ATXN7L3: variants seen among roughly 807,000 people sequenced by gnomAD.
ATXN7L3 encodes ataxin-7-like protein 3.
In ATXN7L3, 6 loss-of-function variants were observed where a neutral mutation model predicts 50.0. The observed-to-expected ratio is 0.12, with a 90% confidence interval of 0.07 to 0.24. ATXN7L3 has a LOEUF of 0.24. Among genes scored for constraint, ATXN7L3 ranks in the 10% least tolerant of loss-of-function variants. The probability of loss-of-function intolerance (pLI) is 1.00; values close to 1 mark genes in which losing one functional copy is unlikely to be tolerated. For missense variants in ATXN7L3, 322 were observed against 451.3 expected (o/e 0.71, Z 2.60); for synonymous variants, 198 against 165.8 (o/e 1.19, Z -1.49).
chr17:44,197,841 AT>A, intron 2 of ATXN7L3, 111 bp from the exon 3 acceptor site: 2 of 1,554,704 alleles, frequency 1.3e-6, no homozygotes, highest in South Asian at 1.1e-5. Context: ...TTTCTTTGCC[AT>A]TTTCCCCATC....
At chr17:44,194,740 C>A (rs768819005) in intron 11 of ATXN7L3, 28 bp downstream of exon 11, 2 of 1,613,800 alleles carry the variant, frequency 1.2e-6, no homozygotes, top group Admixed American at 1.7e-5. Flanking sequence ...TGGTCACAAC[C>A]CCCCACCCTT....
At position 44,192,507 on chromosome 17, in the gene ATXN7L3, C is replaced by G. The variant is rs930777374; in HGVS notation, c.*1756G>C. ...CTCCCTTCACCTTCAGCCCACTCCC[C>G]AGACTGCATCTGGAAGCGGCTAGAG... On this transcript the variant is annotated 3_prime_UTR_variant, in exon 13 of 13. Transcript: ENST00000587097. The G allele has an allele frequency of 6.6e-6, 1 of 152,184 alleles. No homozygotes were observed. Among genetic ancestry groups the G allele is most frequent in the Non-Finnish European group, 1.5e-5 (1 of 68,086 alleles). The allele number at this position is 152,184 out of a possible 1,614,324, so 9.4% of individuals were successfully genotyped here. A position where few individuals can be genotyped will look rare whatever the true frequency, so the allele number is the denominator to read the frequency against.
At chr17:44,197,539 G>GA in intron 3 of ATXN7L3, 59 bp downstream of exon 3, 1 of 1,611,090 alleles carries the variant, frequency 6.2e-7, no homozygotes, top group Non-Finnish European at 8.5e-7. Flanking sequence ...TCCAGAGAAG[G>GA]AAACTCCAGG....
At chr17:44,196,483 G>A (rs1406241780) in intron 5 of ATXN7L3, 65 bp from the exon 6 acceptor site, 1 of 1,606,796 alleles carries the variant, frequency 6.2e-7, no homozygotes, top group Non-Finnish European at 8.5e-7. Flanking sequence ...AGCATCTCAA[G>A]AAAACCATAC....
At position 44,198,082 on chromosome 17, in the gene ATXN7L3, T is replaced by C. The variant is rs758958983; in HGVS notation, c.-12A>G. On this transcript the variant is annotated 5_prime_UTR_variant, in exon 2 of 13. Coordinates refer to ENST00000587097, the MANE Select transcript of ATXN7L3 (RefSeq NM_001382309.1). ...TCCTCCATTTTCATTTGTAAACTCT[T>C]GTGGAGACGGCGCTCTGACTGCTCA... The C allele has an allele frequency of 7.8e-5, 126 of 1,613,824 alleles. No homozygotes were observed. Among genetic ancestry groups the C allele is most frequent in the Admixed American group, 3.0e-4 (18 of 59,956 alleles).
Position 44,193,053 on chromosome 17 carries a change from T to G in ATXN7L3, c.*1210A>C, listed in dbSNP as rs1443211360. On this transcript the variant is annotated 3_prime_UTR_variant, in exon 13 of 13. Coordinates refer to ENST00000587097, the MANE Select transcript of ATXN7L3 (RefSeq NM_001382309.1). ...GACCAGGCAGGTGGGCACACTGGCA[T>G]GACAGTCCCACAGAGGGGCAGTGAC... The G allele has an allele frequency of 6.6e-6, 1 of 152,140 alleles. No homozygotes were observed. Among genetic ancestry groups the G allele is most frequent in the East Asian group, 1.9e-4 (1 of 5,192 alleles). The allele number at this position is 152,140 out of a possible 1,614,324, so 9.4% of individuals were successfully genotyped here. A position where few individuals can be genotyped will look rare whatever the true frequency, so the allele number is the denominator to read the frequency against.
chr17:44,197,076 G>C, intron 4 of ATXN7L3, 50 bp from the exon 5 acceptor site: 1 of 1,557,956 alleles, frequency 6.4e-7, no homozygotes, highest in Non-Finnish European at 8.8e-7. Context: ...AAGAGAAAGG[G>C]GTCAAGGTGG....
Position 44,191,875 on chromosome 17 carries a change from G to A in ATXN7L3, c.*2388C>T, listed in dbSNP as rs2055657687. ...AGAGGGAATACACAGCGTTTACAAA[G>A]TTAGCTACCTGTACAGAATGGATTA... is the stretch of plus-strand genomic sequence containing the variant. On this transcript the variant is annotated 3_prime_UTR_variant, in exon 13 of 13. Transcript: ENST00000587097. 6.0e-6 allele frequency: 2 copies of A among 331,552 alleles called. No homozygotes were observed. The highest frequency in any genetic ancestry group is 1.2e-4 in the South Asian group (1 of 8,318). 20.5% of individuals were successfully genotyped at this position (331,552 alleles called of 1,614,324 possible).
Position 44,194,194 on chromosome 17 carries a change from G to T in ATXN7L3, c.*69C>A. 6.4e-7 allele frequency: 1 copy of T among 1,562,598 alleles called. No individual in the cohort carries two copies. ...CCCCCAGCAGCCGTCCATTTGCCAG[G>T]CTATGCCACCTGGGTGGGGGTCAGG... On this transcript the variant is annotated 3_prime_UTR_variant, in exon 13 of 13. Coordinates refer to ENST00000587097, the MANE Select transcript of ATXN7L3 (RefSeq NM_001382309.1).
In ATXN7L3 at chr17:44,197,586, C is replaced by G. The variant is rs770242783; in HGVS notation, c.184+12G>C. 1.1e-5 allele frequency: 18 copies of G among 1,614,220 alleles called. No individual in the cohort carries two copies. Among genetic ancestry groups the G allele is most frequent in the Non-Finnish European group, 1.5e-5 (18 of 1,180,036 alleles). On this transcript the variant is annotated intron_variant, in intron 3 of 12. Transcript: ENST00000587097. ...AAGGGCTGGACTGCTGCTCCTTCAC[C>G]CTGAAGCTCACCAAAATCCTTCATG...
intron 5 of ATXN7L3, 70 bp from the exon 6 acceptor site, chr17:44,196,488 C>T (rs913557024): frequency 4.4e-6 from 7 of 1,602,698 alleles, no homozygotes; most frequent in Non-Finnish European, 5.1e-6. Context: ...CTCAAGAAAA[C>T]CATACAACAG....
chr17:44,194,984 G>A (rs1366943998), intron 10 of ATXN7L3, 113 bp downstream of exon 10: 9 of 1,477,234 alleles, frequency 6.1e-6, no homozygotes, highest in Non-Finnish European at 8.5e-6. Flanking sequence ...ATCATTAGAG[G>A]AGGGAAGGGG....
chr17:44,196,232 A>AGGGCCCC, intron 6 of ATXN7L3, 153 bp from the exon 7 acceptor site: 1 of 285,390 alleles, frequency 3.5e-6, no homozygotes, highest in Non-Finnish European at 5.8e-6. Context: ...GCCCTCCCCC[A>AGGGCCCC]CCCCCCTTCC....
At position 44,193,235 on chromosome 17, in the gene ATXN7L3, CAG is replaced by C. The variant is rs924528594; in HGVS notation, c.*1026_*1027del. On this transcript the variant is annotated 3_prime_UTR_variant, in exon 13 of 13. Coordinates refer to ENST00000587097, the MANE Select transcript of ATXN7L3 (RefSeq NM_001382309.1). ...ACTTAAAAGCGCTAAGGAAGGGAAA[CAG>C]GGCACGCTTTGGAGGCAGGAGCGCT... is the stretch of plus-strand genomic sequence containing the variant. 7.9e-5 allele frequency: 12 copies of C among 152,286 alleles called. No individual in the cohort carries two copies. Among genetic ancestry groups the C allele is most frequent in the Non-Finnish European group, 1.3e-4 (9 of 68,108 alleles). The allele number at this position is 152,286 out of a possible 1,614,324, so 9.4% of individuals were successfully genotyped here.
At position 44,199,880 on chromosome 17, in the gene ATXN7L3, T is replaced by TGAACGCGAGCGTGCGC. The variant is rs1476797286; in HGVS notation, c.-446_-445insGCGCACGCTCGCGTTC. 6.8e-6 allele frequency: 1 copy of TGAACGCGAGCGTGCGC among 147,794 alleles called. No homozygotes were observed. The highest frequency in any genetic ancestry group is 2.5e-5 in the African/African-American group (1 of 40,004). 9.2% of individuals were successfully genotyped at this position (147,794 alleles called of 1,614,324 possible). A position where few individuals can be genotyped will look rare whatever the true frequency, so the allele number is the denominator to read the frequency against. Reference sequence around the variant, plus strand: ...GGAGGATGGATGGATGGAGCGAGCGTGAACGCGAGCGTGCGCGCGCGCGCC... The same window carrying TGAACGCGAGCGTGCGC: ...GGAGGATGGATGGATGGAGCGAGCGTGAACGCGAGCGTGCGCGAACGCGAGCGTGCGCGCGCGCGCC... On this transcript the variant is annotated 5_prime_UTR_variant, in exon 1 of 13. Coordinates refer to ENST00000587097, the MANE Select transcript of ATXN7L3 (RefSeq NM_001382309.1).
chr17:44,196,491 T>A, intron 5 of ATXN7L3, 73 bp from the exon 6 acceptor site: 1 of 1,598,334 alleles, frequency 6.3e-7, no homozygotes. Flanking sequence ...AAGAAAACCA[T>A]ACAACAGGCT....
At chr17:44,198,385 C>T (rs1202678284) in intron 1 of ATXN7L3, 4 of 349,406 alleles carry the variant, frequency 1.1e-5, no homozygotes, top group African/African-American at 6.4e-5. Context: ...CAGCAGCTCA[C>T]CCTAGGTCCC....
At chr17:44,197,975 G>C (rs780877048) in intron 2 of ATXN7L3, 45 bp downstream of exon 2, 3 of 1,594,874 alleles carry the variant, frequency 1.9e-6, no homozygotes, top group Non-Finnish European at 2.6e-6. Flanking sequence ...GCGACGTAGA[G>C]ACATCAAGAG....
intron 1 of ATXN7L3, chr17:44,199,258 G>C (rs1044559043): frequency 6.6e-6 from 1 of 150,768 alleles, no homozygotes; most frequent in Non-Finnish European, 1.5e-5. Context: ...AAGGCCCCGC[G>C]CCCCCTCCCC....
Sources: gnomAD v4.1 joint callset for allele counts on GRCh38, gnomAD v4.1.1 for gene constraint, MANE v1.5 for transcripts, NCBI Gene and HGNC (gene_info 2026-07-23, HGNC 2026-07-21) for gene names.